ARPP21: variants seen among roughly 807,000 people sequenced by gnomAD.
The protein encoded by ARPP21 is cAMP regulated phosphoprotein 21.
ARPP21 carries 69 observed loss-of-function variants against 113.2 expected under a neutral mutation model. The observed-to-expected ratio is 0.61, with a 90% CI of 0.50 to 0.74. The LOEUF (loss-of-function observed/expected upper bound fraction) is 0.74, where lower values mean the gene tolerates loss of function less well. ARPP21 is among the 30% of genes least tolerant of loss of function. The pLI is 0.00. For synonymous variants in ARPP21, 368 were observed against 375.5 expected, an observed-to-expected ratio of 0.98 and a Z score of 0.23; for missense variants, 1,070 against 1,037.4, an observed-to-expected ratio of 1.03 and a Z score of -0.43.
At chr3:35,708,319 CA>C (rs2089955514) in intron 10 of ARPP21, among the ~76,000 whole-genome samples, 1 of 152,104 alleles carries the variant, frequency 6.6e-6, no homozygotes, top group South Asian at 2.1e-4. Context: ...TTCTTTGAAG[CA>C]TTACTTTAGA....
At chr3:35,641,918 G>T (rs17033610) in intron 1 of ARPP21, among the ~76,000 whole-genome samples, 7,605 of 152,186 alleles carry the variant, frequency 0.05, 617 homozygotes, top group African/African-American at 0.17. Context: ...TTTAAGATAC[G>T]TGGATTGCTA....
intron 19 of ARPP21, among the ~76,000 whole-genome samples, chr3:35,783,677 T>G (rs974038257): frequency 1.3e-5 from 2 of 152,186 alleles, no homozygotes; most frequent in African/African-American, 4.8e-5. Flanking sequence ...ATTTCATTGC[T>G]CTGCTTATAA....
At chr3:35,752,171 G>A (rs2095425995) in intron 19 of ARPP21, among the ~76,000 whole-genome samples, 1 of 152,006 alleles carries the variant, frequency 6.6e-6, no homozygotes, top group African/African-American at 2.4e-5. Flanking sequence ...AAAGAATGGT[G>A]AGGGAAGAGG....
At chr3:35,753,327 T>C (rs1056655769) in intron 19 of ARPP21, among the ~76,000 whole-genome samples, 1 of 152,008 alleles carries the variant, frequency 6.6e-6, no homozygotes. Context: ...ACATTTTGTG[T>C]TTCAAAGTTC....
intron 9 of ARPP21, among the ~76,000 whole-genome samples, chr3:35,694,890 T>C (rs9846939): frequency 0.038 from 5,679 of 148,318 alleles, 153 homozygotes; most frequent in African/African-American, 0.061. Flanking sequence ...AAGGAAAGCA[T>C]ATATATATGC....
At chr3:35,688,007 C>A (rs552584319) in intron 6 of ARPP21, 124 bp downstream of exon 6, 46 of 835,302 alleles carry the variant, frequency 5.5e-5, no homozygotes, top group Non-Finnish European at 8.0e-5. Flanking sequence ...TATACGTGTA[C>A]GTATCTGTGT....
chr3:35,740,615 C>T (rs974361290), intron 18 of ARPP21, among the ~76,000 whole-genome samples: 1 of 152,096 alleles, frequency 6.6e-6, no homozygotes, highest in Non-Finnish European at 1.5e-5. Flanking sequence ...GTTTAAGTTA[C>T]AGGAGAAAGG....
chr3:35,744,186 G>A (rs2094862592), intron 19 of ARPP21, among the ~76,000 whole-genome samples: 1 of 152,204 alleles, frequency 6.6e-6, no homozygotes, highest in Admixed American at 6.5e-5. Flanking sequence ...ATGTTAAACA[G>A]TCTCCATAAA....
At chr3:35,665,290 T>C (rs533936338) in intron 1 of ARPP21, among the ~76,000 whole-genome samples, 11 of 152,214 alleles carry the variant, frequency 7.2e-5, no homozygotes, top group Non-Finnish European at 1.5e-4. Flanking sequence ...GCCTAAGCTT[T>C]TTTTTTTAAT....
At chr3:35,686,030 A>G (rs1232769661) in intron 5 of ARPP21, 1 of 155,364 alleles carries the variant, frequency 6.4e-6, no homozygotes, top group African/African-American at 2.4e-5. Flanking sequence ...GCCTCTGCTC[A>G]TGCATTTATA....
At chr3:35,676,784 G>A (rs1356375889) in intron 1 of ARPP21, among the ~76,000 whole-genome samples, 1 of 151,804 alleles carries the variant, frequency 6.6e-6, no homozygotes, top group African/African-American at 2.4e-5. Context: ...ACATCCCAAT[G>A]ACTTTTTTTT....
intron 19 of ARPP21, among the ~76,000 whole-genome samples, chr3:35,761,009 G>A (rs956976904): frequency 6.6e-6 from 1 of 152,024 alleles, no homozygotes; most frequent in South Asian, 2.1e-4. Flanking sequence ...TAATGCTCAG[G>A]CAGATCCGCT....
rs921942132 is a variant in ARPP21, at chr3:35,794,290, A to G, written c.*332A>G. 7.5e-5 allele frequency: 21 copies of G among 280,570 alleles called. No individual in the cohort carries two copies. The highest frequency in any genetic ancestry group is 4.3e-4 in the African/African-American group (20 of 46,760). 17.4% of individuals were successfully genotyped at this position (280,570 alleles called of 1,614,324 possible). A position where few individuals can be genotyped will look rare whatever the true frequency, so the allele number is the denominator to read the frequency against. ...TACTTTGTGTTGAGTTTGTGATGCTAAAAGTATTTAAAAATTATATACTAA... is the reference window on the plus strand; with the variant it reads ...TACTTTGTGTTGAGTTTGTGATGCTGAAAGTATTTAAAAATTATATACTAA... On this transcript the variant is annotated 3_prime_UTR_variant, in exon 21 of 21. Coordinates refer to ENST00000684406, the MANE Select transcript of ARPP21 (RefSeq NM_001385562.1).
intron 9 of ARPP21, among the ~76,000 whole-genome samples, chr3:35,694,857 C>G (rs2149715012): frequency 6.7e-6 from 1 of 149,806 alleles, no homozygotes; most frequent in South Asian, 2.1e-4. Flanking sequence ...GTGCTTATTA[C>G]TGCCACAAGA....
chr3:35,682,922 A>G (rs1370696931), intron 4 of ARPP21, 33 bp downstream of exon 4: 2 of 1,552,840 alleles, frequency 1.3e-6, no homozygotes, highest in African/African-American at 2.8e-5. Flanking sequence ...TAGACCTGAT[A>G]TCATGGGTAT....
At chr3:35,762,124 T>TCA (rs1228601723) in intron 19 of ARPP21, among the ~76,000 whole-genome samples, 2,790 of 141,100 alleles carry the variant, frequency 0.02, 22 homozygotes, top group Non-Finnish European at 0.029. Context: ...TCTCTCTCTC[T>TCA]CTCACACACA....
chr3:35,728,685 A>G (rs1324535564), intron 14 of ARPP21, among the ~76,000 whole-genome samples: 3 of 152,140 alleles, frequency 2.0e-5, no homozygotes, highest in Non-Finnish European at 2.9e-5. Flanking sequence ...CTGCTAAACC[A>G]TGCCACTCCT....
At chr3:35,760,691 A>C (rs2095740060) in intron 19 of ARPP21, among the ~76,000 whole-genome samples, 1 of 152,084 alleles carries the variant, frequency 6.6e-6, no homozygotes, top group African/African-American at 2.4e-5. Context: ...TTTGAAATTA[A>C]GCAGCCCATC....
At chr3:35,682,488 A>C (rs2079209446) in intron 3 of ARPP21, 1 of 200,814 alleles carries the variant, frequency 5.0e-6, no homozygotes, top group African/African-American at 2.3e-5. Context: ...ATAGCTTGTA[A>C]GTATTGATTT....
Sources: gnomAD v4.1 joint callset for allele counts (sites outside exome capture counted in the v4.1 genomes callset) on GRCh38, gnomAD v4.1.1 for gene constraint, MANE v1.5 for transcripts, NCBI Gene and HGNC (gene_info 2026-07-23, HGNC 2026-07-21) for gene names.